The following RNF38 variants were observed in gnomAD, a reference collection of about 807,000 sequenced individuals.
RNF38 encodes the protein ring finger protein 38, also known as E3 ubiquitin-protein ligase RNF38.
RNF38 carries 15 observed loss-of-function variants against 67.2 expected under a neutral mutation model. That is an observed-to-expected ratio of 0.22 (90% confidence interval 0.15 to 0.34). RNF38 has a LOEUF of 0.34. RNF38 is among the 10% of genes least tolerant of loss of function. RNF38 has a pLI of 1.00. For missense variants in RNF38, 524 were observed against 639.9 expected (o/e 0.82, Z 1.95); for synonymous variants, 220 against 218.8 (o/e 1.01, Z -0.05).
chr9:36,392,663 G>A (rs1405889315), intron 1 of RNF38, among the ~76,000 whole-genome samples: 4 of 152,194 alleles, frequency 2.6e-5, no homozygotes, highest in African/African-American at 9.6e-5. Context: ...TACTCAGGAG[G>A]CTAAGGCAGG....
At chr9:36,451,020 T>A (rs1355846849) in intron 1 of RNF38, among the ~76,000 whole-genome samples, 1 of 152,190 alleles carries the variant, frequency 6.6e-6, no homozygotes, top group East Asian at 1.9e-4. Context: ...AAAGTATACT[T>A]AAATACGACT....
chr9:36,474,202 A>T lies in RNF38; in HGVS notation n.241+13106T>A, dbSNP rs1840070971. Among the ~76,000 whole-genome samples, 6 of 148,410 alleles carry T rather than the reference A, an allele frequency of 4.0e-5. No homozygotes were observed. The South Asian group carries it at 1.3e-3, about 32-fold the overall frequency. ...GTGGCGGGCGCCTGTAGTCCCAGCT[A>T]CTCGGGAGGCTAAGGCAGGAGAATG... On this transcript the variant is annotated intron_variant and non_coding_transcript_variant, in intron 1 of 3. Coordinates refer to the RNF38 transcript ENST00000488058.
rs995925349 is a variant in RNF38, at chr9:36,337,237, G to A, written c.*2515C>T. ...CCTGAGCTGGTCAGAACACCTGTGT[G>A]TGTGTTCCTGATACACACTAACCAC... On this transcript the variant is annotated 3_prime_UTR_variant, in exon 12 of 12. Transcript: ENST00000259605. The A allele has an allele frequency of 1.2e-4, 18 of 152,250 alleles. No homozygotes were observed. Among genetic ancestry groups the A allele is most frequent in the African/African-American group, 3.9e-4 (16 of 41,454 alleles). The allele number at this position is 152,250 out of a possible 1,614,324, so 9.4% of individuals were successfully genotyped here.
chr9:36,346,552 T>A (rs1240540017), intron 9 of RNF38, among the ~76,000 whole-genome samples: 1 of 152,186 alleles, frequency 6.6e-6, no homozygotes, highest in Non-Finnish European at 1.5e-5. Flanking sequence ...TAATAACTCA[T>A]TTGGTTTATC....
At chr9:36,352,932 CTT>C (rs1833810537) in intron 7 of RNF38, 84 bp from the exon 8 acceptor site, 5 of 1,018,048 alleles carry the variant, frequency 4.9e-6, no homozygotes. Context: ...TAAAAAAAGA[CTT>C]AAACAGTAAA....
chr9:36,390,822 T>TG (rs1837023838), intron 1 of RNF38, among the ~76,000 whole-genome samples: 1 of 152,194 alleles, frequency 6.6e-6, no homozygotes. Context: ...CAAAAACTGT[T>TG]GGAGGCAAAA....
intron 2 of RNF38, among the ~76,000 whole-genome samples, chr9:36,412,415 T>C (rs1838348510): frequency 6.6e-6 from 1 of 152,232 alleles, no homozygotes; most frequent in Non-Finnish European, 1.5e-5. Flanking sequence ...AGCAGCTAAC[T>C]ACCCAATTAC....
At chr9:36,479,792 A>G (rs1840206468) in intron 1 of RNF38, among the ~76,000 whole-genome samples, 1 of 152,132 alleles carries the variant, frequency 6.6e-6, no homozygotes, top group Admixed American at 6.5e-5. Flanking sequence ...AATGAAAAAT[A>G]CTTTTTATTA....
chr9:36,442,076 G>A (rs1174250849), intron 1 of RNF38, among the ~76,000 whole-genome samples: 1 of 152,084 alleles, frequency 6.6e-6, no homozygotes, highest in African/African-American at 2.4e-5. Flanking sequence ...TATAAGGGGG[G>A]GAGGGGGAGA....
upstream of RNF38, chr9:36,401,293 G>C (rs1388739571): frequency 1.1e-6 from 1 of 904,768 alleles, no homozygotes; most frequent in Admixed American, 6.2e-5. Flanking sequence ...CCACTGCGCA[G>C]CCCCGCCCCA....
intron 4 of RNF38, among the ~76,000 whole-genome samples, chr9:36,366,392 G>C (rs1834964714): frequency 6.6e-6 from 1 of 151,606 alleles, no homozygotes; most frequent in Non-Finnish European, 1.5e-5. Flanking sequence ...TTTACATATT[G>C]CAACTGATTA....
intron 1 of RNF38, among the ~76,000 whole-genome samples, chr9:36,434,420 T>G (rs938087331): frequency 2.0e-5 from 3 of 151,962 alleles, no homozygotes; most frequent in African/African-American, 7.3e-5. Context: ...GTTTTGCTCT[T>G]GTTGCCCAGG....
At chr9:36,477,645 C>T (rs1400812384) in intron 1 of RNF38, among the ~76,000 whole-genome samples, 2 of 150,654 alleles carry the variant, frequency 1.3e-5, no homozygotes, top group Non-Finnish European at 1.5e-5. Flanking sequence ...CATGGTGAAA[C>T]CCCCATCCCT....
At chr9:36,484,378 T>C (rs1281825972) in intron 1 of RNF38, among the ~76,000 whole-genome samples, 1 of 152,238 alleles carries the variant, frequency 6.6e-6, no homozygotes, top group African/African-American at 2.4e-5. Context: ...CAGGCTGCGC[T>C]AGGCTGGAGC....
upstream of RNF38, among the ~76,000 whole-genome samples, chr9:36,405,712 G>A (rs1290496512): frequency 2.6e-5 from 4 of 151,846 alleles, no homozygotes; most frequent in African/African-American, 9.7e-5. Flanking sequence ...TTCTAACTAA[G>A]GCAAAACAAC....
intron 1 of RNF38, among the ~76,000 whole-genome samples, chr9:36,471,066 A>C (rs1372012424): frequency 6.6e-6 from 1 of 151,906 alleles, no homozygotes; most frequent in Non-Finnish European, 1.5e-5. Flanking sequence ...TTCCAGCTTG[A>C]CTCAGCCTAA....
chr9:36,367,065 A>G (rs563868819), intron 4 of RNF38, among the ~76,000 whole-genome samples: 1 of 152,264 alleles, frequency 6.6e-6, no homozygotes, highest in South Asian at 2.1e-4. Flanking sequence ...AGCGACTTAA[A>G]GTGTTTGGTA....
chr9:36,358,082 G>A (rs1026556425), intron 4 of RNF38, 140 bp from the exon 5 acceptor site: 8 of 645,758 alleles, frequency 1.2e-5, no homozygotes, highest in Non-Finnish European at 2.1e-5. Flanking sequence ...GTTTCGACCA[G>A]AATATTCATT....
At chr9:36,419,839 A>G (rs995275656) in intron 2 of RNF38, among the ~76,000 whole-genome samples, 1 of 151,948 alleles carries the variant, frequency 6.6e-6, no homozygotes, top group Non-Finnish European at 1.5e-5. Context: ...CAAACAAAAA[A>G]CTCGCACAGA....
Sources: gnomAD v4.1 joint callset for allele counts (sites outside exome capture counted in the v4.1 genomes callset) on GRCh38, gnomAD v4.1.1 for gene constraint, MANE v1.5 for transcripts, NCBI Gene and HGNC (gene_info 2026-07-23, HGNC 2026-07-21) for gene names.